The following RCAN2 variants were observed in gnomAD, a reference collection of about 807,000 sequenced individuals.
RCAN2 encodes calcipressin-2.
A neutral mutation model predicts 23.6 loss-of-function variants in RCAN2; 9 were observed. That is an observed-to-expected ratio of 0.38 (90% confidence interval 0.23 to 0.67). The LOEUF is 0.67. RCAN2 is among the 30% of genes least tolerant of loss of function. The probability of loss-of-function intolerance (pLI) is 0.51; values close to 1 mark genes in which losing one functional copy is unlikely to be tolerated. For synonymous variants in RCAN2, 109 were observed against 115.7 expected (o/e 0.94, Z 0.37); for missense variants, 273 against 302.3 (o/e 0.90, Z 0.72).
At chr6:46,431,203 A>C (rs55986333) in intron 2 of RCAN2, among the ~76,000 whole-genome samples, 1 of 135,540 alleles carries the variant, frequency 7.4e-6, no homozygotes, top group African/African-American at 3.2e-5. Context: ...TTGTATTTTT[A>C]AAAAAAAAAA....
Position 46,311,365 on chromosome 6 carries a change from T to C in RCAN2, c.226-62469A>G, listed in dbSNP as rs138974922. ...AGCAGAAACTTACTGGTTTATTCTA[T>C]GCAACTCACGCCCCAACCAATGGCT... is the stretch of plus-strand genomic sequence containing the variant. On this transcript the variant is annotated intron_variant, in intron 2 of 4. Coordinates refer to ENST00000371374, the MANE Select transcript of RCAN2 (RefSeq NM_001251974.2). 9.8e-4 allele frequency among the ~76,000 whole-genome samples: 150 copies of C among 152,316 alleles called. 1 individual carries two copies. The highest frequency in any genetic ancestry group is 3.4e-3 in the African/African-American group (141 of 41,564).
intron 2 of RCAN2, among the ~76,000 whole-genome samples, chr6:46,279,833 T>C (rs950405095): frequency 1.3e-5 from 2 of 152,184 alleles, no homozygotes; most frequent in African/African-American, 2.4e-5. Context: ...AGGATTGTTA[T>C]GAGAATTTAA....
chr6:46,297,685 G>A (rs1762767039), intron 2 of RCAN2, among the ~76,000 whole-genome samples: 1 of 152,106 alleles, frequency 6.6e-6, no homozygotes, highest in African/African-American at 2.4e-5. Flanking sequence ...ACATTCTGAT[G>A]GAAATAGGAG....
chr6:46,361,331 C>T (rs974876778), intron 2 of RCAN2, among the ~76,000 whole-genome samples: 2 of 152,166 alleles, frequency 1.3e-5, no homozygotes, highest in Non-Finnish European at 2.9e-5. Flanking sequence ...ATGGAGGAAT[C>T]TGTAGTCACC....
At chr6:46,238,593 A>G (rs1766190003) in intron 4 of RCAN2, among the ~76,000 whole-genome samples, 1 of 152,198 alleles carries the variant, frequency 6.6e-6, no homozygotes, top group Admixed American at 6.5e-5. Context: ...TTGCTCTGTC[A>G]CCTAGGCTGG....
intron 2 of RCAN2, among the ~76,000 whole-genome samples, chr6:46,314,521 AC>A (rs1335993337): frequency 1.3e-5 from 2 of 151,678 alleles, no homozygotes; most frequent in Non-Finnish European, 2.9e-5. Flanking sequence ...AAAACAAAAA[AC>A]AAAAAAAAAA....
chr6:46,444,260 C>A (rs948686030), intron 2 of RCAN2, among the ~76,000 whole-genome samples: 1 of 152,042 alleles, frequency 6.6e-6, no homozygotes, highest in South Asian at 2.1e-4. Context: ...CTCCTATAGA[C>A]CCAGAGCAGA....
chr6:46,412,670 G>A (rs1188524426), intron 2 of RCAN2, among the ~76,000 whole-genome samples: 1 of 152,162 alleles, frequency 6.6e-6, no homozygotes, highest in Non-Finnish European at 1.5e-5. Flanking sequence ...GTTCTTGAGA[G>A]GTCAAGAAGG....
chr6:46,301,560 C>A (rs567773276), intron 2 of RCAN2, among the ~76,000 whole-genome samples: 1 of 152,232 alleles, frequency 6.6e-6, no homozygotes, highest in South Asian at 2.1e-4. Flanking sequence ...TTGAACAAGA[C>A]TGACAAAGCT....
chr6:46,334,637 A>G (rs73452296), intron 2 of RCAN2, among the ~76,000 whole-genome samples: 5,311 of 152,232 alleles, frequency 0.035, 291 homozygotes, highest in African/African-American at 0.12. Flanking sequence ...AATGCAATCC[A>G]CATTCTCCGC....
chr6:46,416,546 G>A (rs928973080), intron 2 of RCAN2, among the ~76,000 whole-genome samples: 5 of 150,910 alleles, frequency 3.3e-5, no homozygotes, highest in South Asian at 2.1e-4. Context: ...ATAGTGTCTC[G>A]CTCTGTCACC....
intron 2 of RCAN2, among the ~76,000 whole-genome samples, chr6:46,251,589 T>C (rs892913328): frequency 1.5e-4 from 23 of 152,160 alleles, no homozygotes; most frequent in Admixed American, 1.5e-3. Flanking sequence ...GAGGTGCTTT[T>C]TCCTTTGAGT....
intron 4 of RCAN2, among the ~76,000 whole-genome samples, chr6:46,242,480 G>A (rs1318957127): frequency 2.0e-5 from 3 of 152,146 alleles, no homozygotes; most frequent in Admixed American, 2.0e-4. Context: ...CTTTTTCCCA[G>A]CAGCTTTAAA....
chr6:46,318,208 C>G (rs1054144468), intron 2 of RCAN2, among the ~76,000 whole-genome samples: 1 of 151,994 alleles, frequency 6.6e-6, no homozygotes, highest in African/African-American at 2.4e-5. Flanking sequence ...TATAGAACTA[C>G]CAGAGGTAGG....
At chr6:46,465,723 C>A (rs1345790986) in intron 1 of RCAN2, among the ~76,000 whole-genome samples, 1 of 152,170 alleles carries the variant, frequency 6.6e-6, no homozygotes, top group African/African-American at 2.4e-5. Context: ...ACCAGAGGGC[C>A]AGGGGGCCAT....
At chr6:46,287,580 C>T (rs6914341) in intron 2 of RCAN2, among the ~76,000 whole-genome samples, 84 of 152,324 alleles carry the variant, frequency 5.5e-4, no homozygotes, top group African/African-American at 1.7e-3. Context: ...CATTATGGGT[C>T]CCTTTTCATT....
At chr6:46,325,075 G>A (rs775308016) in intron 2 of RCAN2, among the ~76,000 whole-genome samples, 46 of 152,110 alleles carry the variant, frequency 3.0e-4, no homozygotes, top group Non-Finnish European at 5.6e-4. Flanking sequence ...TGACATTGAG[G>A]GCTGGAAAAT....
At chr6:46,280,838 G>A (rs991631888) in intron 2 of RCAN2, among the ~76,000 whole-genome samples, 11 of 152,264 alleles carry the variant, frequency 7.2e-5, no homozygotes, top group African/African-American at 2.6e-4. Flanking sequence ...AGGGAGGTAT[G>A]TGGACACACA....
At chr6:46,336,260 G>T (rs1197557177) in intron 2 of RCAN2, among the ~76,000 whole-genome samples, 3 of 152,206 alleles carry the variant, frequency 2.0e-5, no homozygotes, top group Non-Finnish European at 4.4e-5. Flanking sequence ...AATGAGCACT[G>T]CTGGTGACAT....
Sources: gnomAD v4.1 joint callset for allele counts (sites outside exome capture counted in the v4.1 genomes callset) on GRCh38, gnomAD v4.1.1 for gene constraint, MANE v1.5 for transcripts, NCBI Gene and HGNC (gene_info 2026-07-23, HGNC 2026-07-21) for gene names.